Variants in CGNL1 observed in about 807,000 individuals in gnomAD.
CGNL1 encodes cingulin like 1, also known as cingulin-like protein 1.
In CGNL1, 132 loss-of-function variants were observed where a neutral mutation model predicts 141.2. The observed-to-expected ratio is 0.93, with a 90% CI of 0.81 to 1.08. The LOEUF (loss-of-function observed/expected upper bound fraction) is 1.08. CGNL1 is among the 50% of genes least tolerant of loss of function. The pLI, the probability that CGNL1 is intolerant of heterozygous loss-of-function variation, is 0.00. For synonymous variants in CGNL1, 690 were observed against 622.1 expected (o/e 1.11, Z -1.63); for missense variants, 1,870 against 1,588.6 (o/e 1.18, Z -3.01).
At chr15:57,389,061 C>T (rs551227706) in intron 1 of CGNL1, among the ~76,000 whole-genome samples, 9 of 151,212 alleles carry the variant, frequency 6.0e-5, no homozygotes, top group African/African-American at 2.4e-5. Flanking sequence ...ATTTTGGGCA[C>T]GAGGGGATGT....
intron 8 of CGNL1, among the ~76,000 whole-genome samples, chr15:57,462,442 T>G (rs1187692737): frequency 1.3e-5 from 2 of 152,198 alleles, no homozygotes; most frequent in African/African-American, 4.8e-5. Context: ...TCTTGGCTCC[T>G]ACAAATAGAT....
chr15:57,530,058 C>T (rs1247777692), intron 13 of CGNL1, among the ~76,000 whole-genome samples: 2 of 152,216 alleles, frequency 1.3e-5, no homozygotes, highest in African/African-American at 4.8e-5. Flanking sequence ...CCTTAAACAA[C>T]CTGGCTCAAA....
In CGNL1 at chr15:57,546,061, T is replaced by C. The variant is rs192215977; in HGVS notation, c.3610-15T>C. 3.0e-4 allele frequency: 485 copies of C among 1,608,332 alleles called. 4 individuals are homozygous for C. In the East Asian group the frequency reaches 7.1e-3, roughly 24 times the overall value. ...CCATCAGCCGGCACTCAGCCCACAT[T>C]CTCTCCCGGTGCAGCTGAGCTTGCG... On this transcript the variant is annotated splice_polypyrimidine_tract_variant and intron_variant, in intron 17 of 18. Coordinates refer to ENST00000281282, the MANE Select transcript of CGNL1 (RefSeq NM_032866.5).
At chr15:57,417,100 G>A (rs2062857293) in intron 1 of CGNL1, among the ~76,000 whole-genome samples, 1 of 152,198 alleles carries the variant, frequency 6.6e-6, no homozygotes, top group African/African-American at 2.4e-5. Context: ...TTGCTGAACA[G>A]TGAATATAAG....
intron 1 of CGNL1, among the ~76,000 whole-genome samples, chr15:57,379,828 GA>G (rs1427752316): frequency 7.4e-5 from 11 of 149,496 alleles, no homozygotes; most frequent in East Asian, 3.9e-4. Context: ...AAGGAAAAAA[GA>G]AAAAAAAAGG....
intron 1 of CGNL1, among the ~76,000 whole-genome samples, chr15:57,418,887 T>C (rs956978295): frequency 3.3e-5 from 5 of 150,798 alleles, no homozygotes; most frequent in Non-Finnish European, 7.4e-5. Flanking sequence ...CATGCAGCCC[T>C]GGAGTGACCA....
At chr15:57,486,846 A>G (rs1390192874) in intron 8 of CGNL1, among the ~76,000 whole-genome samples, 3 of 152,196 alleles carry the variant, frequency 2.0e-5, no homozygotes, top group Non-Finnish European at 4.4e-5. Flanking sequence ...GCTGCTTGCA[A>G]TAGTTGCATG....
Position 57,518,453 on chromosome 15 carries a change from G to A in CGNL1, c.2671G>A (p.Val891Met). 1.2e-6 allele frequency: 2 copies of A among 1,612,806 alleles called. No individual in the cohort carries two copies. Among genetic ancestry groups the A allele is most frequent in the Non-Finnish European group, 8.5e-7 (1 of 1,179,426 alleles). The change falls in exon 10 of 19, where the codon GTG (valine) becomes ATG (methionine). Residue 891 changes from valine (V) to methionine (M), a missense_variant. Val to Met is a conservative substitution (Grantham distance 21). Coordinates refer to ENST00000281282, the MANE Select transcript of CGNL1 (RefSeq NM_032866.5). ...CGCCAGAAAGGAAGAAAAAGAAGCT[G>A]TGTCAGCCAGAAGGGCCCTGGAGAA... is the stretch of plus-strand genomic sequence containing the variant. The part of the protein sequence containing the change: ...VHARKEEKEA[V>M]SARRALENEL...
At chr15:57,512,760 G>A (rs2030427919) in intron 8 of CGNL1, among the ~76,000 whole-genome samples, 1 of 152,090 alleles carries the variant, frequency 6.6e-6, no homozygotes, top group Admixed American at 6.6e-5. Context: ...GAGATTTCCG[G>A]GTGAATGAAA....
chr15:57,413,205 T>TCC (rs1312004674), intron 1 of CGNL1, among the ~76,000 whole-genome samples: 7 of 137,624 alleles, frequency 5.1e-5, no homozygotes, highest in Admixed American at 1.5e-4. Context: ...CTTTCTCTCT[T>TCC]TCTCTCTTCC....
At position 57,544,604 on chromosome 15, in the gene CGNL1, C is replaced by T. The variant is rs760660601; in HGVS notation, c.3500+7C>T. ...GCCTGGAGAGTGAGGAGAGGTGAGC[C>T]GGGCCCACCCACTGCAGTGCGGAGG... is the stretch of plus-strand genomic sequence containing the variant. On this transcript the variant is annotated splice_region_variant and intron_variant, in intron 16 of 18. Transcript: ENST00000281282. 14 of 1,568,514 alleles carry T rather than the reference C, an allele frequency of 8.9e-6. No homozygotes were observed. The highest frequency in any genetic ancestry group is 2.3e-5 in the East Asian group (1 of 43,022).
At chr15:57,429,226 G>A (rs1455401860) in intron 1 of CGNL1, among the ~76,000 whole-genome samples, 5 of 152,200 alleles carry the variant, frequency 3.3e-5, no homozygotes, top group Non-Finnish European at 2.9e-5. Flanking sequence ...ACAATTACCA[G>A]TGACAACACT....
chr15:57,447,828 G>GTA (rs2063274146), intron 4 of CGNL1, among the ~76,000 whole-genome samples: 2 of 151,612 alleles, frequency 1.3e-5, no homozygotes, highest in African/African-American at 4.9e-5. Flanking sequence ...GTGTGTGTGT[G>GTA]TGTGTGTGTG....
intron 14 of CGNL1, among the ~76,000 whole-genome samples, chr15:57,539,304 C>A (rs2032435924): frequency 1.3e-5 from 2 of 152,158 alleles, no homozygotes; most frequent in African/African-American, 4.8e-5. Flanking sequence ...CTCCTGCCTT[C>A]CACCAAGCCC....
chr15:57,545,765 G>A (rs1335407661), intron 17 of CGNL1, 65 bp downstream of exon 17: 1 of 1,373,430 alleles, frequency 7.3e-7, no homozygotes, highest in African/African-American at 1.4e-5. Flanking sequence ...AGGGAGCAAG[G>A]GAGGCAAGGC....
chr15:57,516,974 G>C lies in CGNL1; in HGVS notation c.2598G>C (p.Leu866=). The change falls in exon 9 of 19, where the codon CTG becomes CTC. Residue 866 remains leucine, a synonymous_variant. Coordinates refer to ENST00000281282, the MANE Select transcript of CGNL1 (RefSeq NM_032866.5). ...KGDEAKAKET[L]KKYEGEIRQL... Reference sequence around the variant, plus strand: ...ATGAAGCCAAGGCGAAGGAAACGCTGAAGAAGTACGAGGTGAGGCTCGCTG... The same window carrying C: ...ATGAAGCCAAGGCGAAGGAAACGCTCAAGAAGTACGAGGTGAGGCTCGCTG... The C allele has an allele frequency of 6.2e-7, 1 of 1,613,012 alleles. No individual in the cohort carries two copies. Among genetic ancestry groups the C allele is most frequent in the Non-Finnish European group, 8.5e-7 (1 of 1,179,870 alleles).
chr15:57,518,998 A>G (rs750456782), intron 10 of CGNL1, among the ~76,000 whole-genome samples: 3 of 152,228 alleles, frequency 2.0e-5, no homozygotes, highest in Non-Finnish European at 4.4e-5. Context: ...AATGCACTCT[A>G]TAGAGTACAT....
At chr15:57,475,545 C>G (rs1166001254) in intron 8 of CGNL1, among the ~76,000 whole-genome samples, 1 of 144,206 alleles carries the variant, frequency 6.9e-6, no homozygotes, top group Non-Finnish European at 1.5e-5. Context: ...GTTTTCTTTT[C>G]TTCTCTTTTT....
At chr15:57,469,354 G>A (rs996993945) in intron 8 of CGNL1, among the ~76,000 whole-genome samples, 2 of 151,096 alleles carry the variant, frequency 1.3e-5, no homozygotes, top group African/African-American at 4.9e-5. Context: ...GAGGAGCAGG[G>A]CTGCCCTATC....
Sources: allele counts gnomAD v4.1 joint callset (sites outside exome capture counted in the v4.1 genomes callset), GRCh38; gene constraint gnomAD v4.1.1; transcripts MANE v1.5; gene names NCBI Gene and HGNC (gene_info 2026-07-23, HGNC 2026-07-21).